The following MAPRE1 variants were observed in gnomAD, a reference collection of about 807,000 sequenced individuals.
MAPRE1 encodes microtubule-associated protein RP/EB family member 1.
MAPRE1 carries 5 observed loss-of-function variants against 32.1 expected under a neutral mutation model. The observed-to-expected ratio is 0.16, with a 90% CI of 0.08 to 0.33. The LOEUF is 0.33. Among genes scored for constraint, MAPRE1 ranks in the 10% least tolerant of loss-of-function variants. MAPRE1 has a pLI of 1.00. For synonymous variants in MAPRE1, 122 were observed against 118.9 expected, an observed-to-expected ratio of 1.03 and a Z score of -0.17; for missense variants, 209 against 327.2, an observed-to-expected ratio of 0.64 and a Z score of 2.79.
intron 5 of MAPRE1, among the ~76,000 whole-genome samples, chr20:32,840,341 C>T (rs1024207984): frequency 1.3e-5 from 2 of 151,840 alleles, no homozygotes; most frequent in Non-Finnish European, 2.9e-5. Context: ...GAGTAAATGT[C>T]CTTAAGGCAC....
intron 4 of MAPRE1, among the ~76,000 whole-genome samples, chr20:32,839,118 T>G (rs1183776511): frequency 6.6e-6 from 1 of 152,188 alleles, no homozygotes; most frequent in Non-Finnish European, 1.5e-5. Flanking sequence ...TAAGCAGAGA[T>G]GAAGATTTTA....
intron 2 of MAPRE1, among the ~76,000 whole-genome samples, chr20:32,832,807 C>CTT (rs35277682): frequency 0.04 from 2,353 of 58,802 alleles, 64 homozygotes; most frequent in Non-Finnish European, 0.048. Flanking sequence ...CAGAGTTTCG[C>CTT]TTTTTTTTTT....
chr20:32,826,621 G>A (rs1233347599), intron 2 of MAPRE1, among the ~76,000 whole-genome samples: 1 of 141,978 alleles, frequency 7.0e-6, no homozygotes, highest in African/African-American at 2.6e-5. Flanking sequence ...TCGCCTCCCG[G>A]GTTCAAGCGA....
chr20:32,836,576 A>G, intron 3 of MAPRE1, 58 bp from the exon 4 acceptor site: 1 of 928,194 alleles, frequency 1.1e-6, no homozygotes, highest in East Asian at 2.4e-5. Flanking sequence ...TGCATGGACT[A>G]GTTTGATGCT....
At chr20:32,826,116 T>C in intron 2 of MAPRE1, 68 bp downstream of exon 2, 1 of 1,456,248 alleles carries the variant, frequency 6.9e-7, no homozygotes, top group Non-Finnish European at 9.4e-7. Context: ...TGAAGGCCTG[T>C]ATCTGACTGC....
chr20:32,825,301 A>C (rs1230610984), intron 1 of MAPRE1, among the ~76,000 whole-genome samples: 1 of 152,194 alleles, frequency 6.6e-6, no homozygotes, highest in Non-Finnish European at 1.5e-5. Flanking sequence ...TCATAAAAGC[A>C]CTTACTCATC....
intron 6 of MAPRE1, 53 bp from the exon 7 acceptor site, chr20:32,848,619 C>G: frequency 7.1e-7 from 1 of 1,406,490 alleles, no homozygotes; most frequent in Non-Finnish European, 1.0e-6. Flanking sequence ...AAAGTGAACT[C>G]ACAGTAGAAA....
intron 4 of MAPRE1, 85 bp from the exon 5 acceptor site, chr20:32,839,650 A>G: frequency 1.9e-6 from 3 of 1,568,642 alleles, no homozygotes; most frequent in Non-Finnish European, 2.6e-6. Context: ...GCAGATGGTC[A>G]CAGCTTCTCC....
At chr20:32,841,407 G>A (rs1382142736) in intron 5 of MAPRE1, among the ~76,000 whole-genome samples, 1 of 151,698 alleles carries the variant, frequency 6.6e-6, no homozygotes, top group Non-Finnish European at 1.5e-5. Flanking sequence ...TGTGCTCTCC[G>A]AGAGAGCGTG....
chr20:32,837,750 A>G (rs975808233), intron 4 of MAPRE1, among the ~76,000 whole-genome samples: 2 of 152,250 alleles, frequency 1.3e-5, no homozygotes, highest in Non-Finnish European at 2.9e-5. Context: ...TTGTGTAACT[A>G]TCACCACAAT....
intron 4 of MAPRE1, among the ~76,000 whole-genome samples, chr20:32,837,336 C>T: frequency 6.6e-6 from 1 of 152,160 alleles, no homozygotes; most frequent in Middle Eastern, 3.2e-3. Flanking sequence ...CCTGTGTATA[C>T]TCACAGCTTC....
intron 2 of MAPRE1, among the ~76,000 whole-genome samples, chr20:32,829,121 T>G (rs1982948973): frequency 6.6e-6 from 1 of 151,854 alleles, no homozygotes; most frequent in Non-Finnish European, 1.5e-5. Context: ...ACCGTGGTGG[T>G]CAGGCTGGTC....
intron 2 of MAPRE1, among the ~76,000 whole-genome samples, chr20:32,828,013 ACTTGT>A (rs887346340): frequency 5.6e-4 from 82 of 147,454 alleles, no homozygotes; most frequent in African/African-American, 2.0e-3. Flanking sequence ...AGTTTCATTG[ACTTGT>A]CTTGTTATTT....
At chr20:32,845,009 ATGTATGTATGTATGTATGTATGT>A (rs1983466427) in intron 5 of MAPRE1, among the ~76,000 whole-genome samples, 2 of 134,674 alleles carry the variant, frequency 1.5e-5, no homozygotes, top group African/African-American at 3.5e-5. Flanking sequence ...GTATGTATGT[ATGTATGTATGTATGTATGTATGT>A]ATGAATGAAT....
intron 1 of MAPRE1, among the ~76,000 whole-genome samples, chr20:32,820,666 G>C (rs1982671296): frequency 6.6e-6 from 1 of 152,156 alleles, no homozygotes; most frequent in Admixed American, 6.5e-5. Context: ...AACCCTGGCT[G>C]TTTTCCCGGG....
Position 32,836,720 on chromosome 20 carries a change from C to T in MAPRE1, c.354C>T (p.Asn118=), listed in dbSNP as rs1260047471. ...GGTTCAAGAAGTTTTTCGATGCAAA[C>T]TATGATGGAAAAGACTATGACCCTG... The part of the protein sequence containing the change: ...VQWFKKFFDA[N]YDGKDYDPVA... Residue 118 remains asparagine, a synonymous_variant, in exon 4 of 7, where the codon AAC becomes AAT. Transcript: ENST00000375571. The T allele has an allele frequency of 6.2e-7, 1 of 1,613,548 alleles. No individual in the cohort carries two copies.
intron 4 of MAPRE1, among the ~76,000 whole-genome samples, 173 bp from the exon 5 acceptor site, chr20:32,839,561 CA>C (rs1983296174): frequency 6.6e-6 from 1 of 152,188 alleles, no homozygotes; most frequent in Non-Finnish European, 1.5e-5. Flanking sequence ...AGAAACCACT[CA>C]GTAGGCAAAT....
At chr20:32,827,280 C>T (rs553066388) in intron 2 of MAPRE1, among the ~76,000 whole-genome samples, 26 of 151,822 alleles carry the variant, frequency 1.7e-4, no homozygotes, top group African/African-American at 5.3e-4. Context: ...TGGTGGCAGG[C>T]GCCTGTAATC....
chr20:32,826,232 T>C (rs1375715625), intron 2 of MAPRE1, among the ~76,000 whole-genome samples, 184 bp downstream of exon 2: 2 of 148,454 alleles, frequency 1.3e-5, no homozygotes, highest in East Asian at 3.9e-4. Context: ...TTTTTTTTTT[T>C]TTTTGACAGA....
Sources: allele counts gnomAD v4.1 joint callset (sites outside exome capture counted in the v4.1 genomes callset), GRCh38; gene constraint gnomAD v4.1.1; transcripts MANE v1.5; gene names NCBI Gene and HGNC (gene_info 2026-07-23, HGNC 2026-07-21).